The following HSD17B12 variants were observed in gnomAD, a reference collection of about 807,000 sequenced individuals.
The protein encoded by HSD17B12 is hydroxysteroid 17-beta dehydrogenase 12.
HSD17B12 carries 32 observed loss-of-function variants against 39.3 expected under a neutral mutation model. That is an observed-to-expected ratio of 0.81 (90% CI 0.61 to 1.09). The LOEUF (loss-of-function observed/expected upper bound fraction) is 1.09, where lower values mean the gene tolerates loss of function less well. HSD17B12 is among the 50% of genes least tolerant of loss of function. HSD17B12 has a pLI of 0.00. For missense variants in HSD17B12, 342 were observed against 382.9 expected (o/e 0.89, Z 0.89); for synonymous variants, 150 against 146.7 (o/e 1.02, Z -0.16).
chr11:43,613,286 G>T, the HSD17B12 span, among the ~76,000 whole-genome samples: 3 of 152,096 alleles, frequency 2.0e-5, no homozygotes, highest in South Asian at 6.2e-4. Flanking sequence ...CAGCTACTCG[G>T]GAGGCTGAGG....
chr11:43,619,322 T>G, the HSD17B12 span, among the ~76,000 whole-genome samples: 2 of 144,574 alleles, frequency 1.4e-5, no homozygotes, highest in African/African-American at 5.0e-5. Context: ...TGGATTAGTA[T>G]CTATGTTTTG....
chr11:43,850,518 A>T (rs1029794588), intron 9 of HSD17B12, among the ~76,000 whole-genome samples: 4 of 152,160 alleles, frequency 2.6e-5, no homozygotes, highest in East Asian at 1.9e-4. Context: ...GGTCATTGTC[A>T]TCTGATGTTC....
chr11:43,661,525 G>A, the HSD17B12 span, among the ~76,000 whole-genome samples: 1,108 of 152,246 alleles, frequency 7.3e-3, 11 homozygotes, highest in Non-Finnish European at 8.5e-3. Flanking sequence ...AAGAATTAGA[G>A]ATGTGAGCCG....
chr11:43,768,289 T>C (rs920964717), intron 3 of HSD17B12, among the ~76,000 whole-genome samples: 1 of 152,242 alleles, frequency 6.6e-6, no homozygotes, highest in South Asian at 2.1e-4. Flanking sequence ...CAATTGCCTG[T>C]TGGAGTTATT....
At chr11:43,853,439 T>C (rs994352044) in intron 9 of HSD17B12, 1 of 151,774 alleles carries the variant, frequency 6.6e-6, no homozygotes, top group Non-Finnish European at 1.5e-5. Context: ...CTCAATTTGA[T>C]TGAAATTTTA....
At chr11:43,582,022 C>G in the HSD17B12 span, among the ~76,000 whole-genome samples, 1 of 152,268 alleles carries the variant, frequency 6.6e-6, no homozygotes, top group Non-Finnish European at 1.5e-5. Context: ...AGGCGAGCCG[C>G]GGTGAATTGG....
intron 1 of HSD17B12, among the ~76,000 whole-genome samples, chr11:43,738,121 C>G (rs540482093): frequency 3.3e-5 from 3 of 92,078 alleles, no homozygotes; most frequent in African/African-American, 1.3e-4. Flanking sequence ...TTTGGTAAAG[C>G]ATGTTTTGGT....
chr11:43,615,768 G>T, the HSD17B12 span, among the ~76,000 whole-genome samples: 36 of 152,300 alleles, frequency 2.4e-4, no homozygotes, highest in South Asian at 7.5e-3. Context: ...ACAGCTGAAA[G>T]TGGAAGTCTC....
the HSD17B12 span, among the ~76,000 whole-genome samples, chr11:43,655,089 G>C: frequency 7.1e-3 from 1,076 of 152,204 alleles, 8 homozygotes; most frequent in Non-Finnish European, 8.8e-3. Context: ...ACTGAGCAGT[G>C]GTTTGTAGTT....
the HSD17B12 span, among the ~76,000 whole-genome samples, chr11:43,661,137 A>G: frequency 3.9e-5 from 6 of 152,168 alleles, no homozygotes; most frequent in Admixed American, 2.0e-4. Context: ...TAATAATAAT[A>G]AAAAGGAACA....
chr11:43,768,716 TG>T (rs2134981324), intron 3 of HSD17B12, among the ~76,000 whole-genome samples: 1 of 152,206 alleles, frequency 6.6e-6, no homozygotes, highest in East Asian at 1.9e-4. Context: ...AGATTTACTG[TG>T]AAGAGTCAAA....
chr11:43,817,252 T>C (rs1247096976), intron 6 of HSD17B12, among the ~76,000 whole-genome samples: 1 of 152,180 alleles, frequency 6.6e-6, no homozygotes, highest in Admixed American at 6.6e-5. Context: ...TAGTCCTTTG[T>C]CAGATGCATA....
At chr11:43,557,681 A>G in the HSD17B12 span, among the ~76,000 whole-genome samples, 1 of 152,218 alleles carries the variant, frequency 6.6e-6, no homozygotes, top group Non-Finnish European at 1.5e-5. Context: ...TGTAGAGGAA[A>G]ACCGCCTGAA....
chr11:43,582,813 T>G, the HSD17B12 span, among the ~76,000 whole-genome samples: 1 of 152,192 alleles, frequency 6.6e-6, no homozygotes, highest in African/African-American at 2.4e-5. Flanking sequence ...AGGCGAGCAC[T>G]CCAAGCTCTA....
rs566157155 is a variant in HSD17B12 at position 43,754,027 on chromosome 11, A to T, written c.208-19A>T. ...AGTGACATGCACAGGTGTGATTCAA[A>T]TCTCCTTTACTGTTTCAGTTAGCAA... On this transcript the variant is annotated intron_variant, in intron 2 of 10. Transcript: ENST00000278353. 8 of 1,575,400 alleles carry T rather than the reference A, an allele frequency of 5.1e-6. No homozygotes were observed. The highest frequency in any genetic ancestry group is 4.0e-5 in the African/African-American group (3 of 74,270).
intron 3 of HSD17B12, among the ~76,000 whole-genome samples, chr11:43,770,497 G>A (rs191035781): frequency 1.0e-3 from 155 of 152,356 alleles, no homozygotes; most frequent in African/African-American, 3.6e-3. Context: ...GAAGGCCAAA[G>A]TGGGAGGATG....
chr11:43,702,632 G>A (rs1164019287), intron 1 of HSD17B12, among the ~76,000 whole-genome samples: 1 of 151,920 alleles, frequency 6.6e-6, no homozygotes, highest in East Asian at 1.9e-4. Context: ...TCATTGATTT[G>A]TGTATGTTGA....
At chr11:43,640,918 T>C in the HSD17B12 span, 1 of 149,840 alleles carries the variant, frequency 6.7e-6, no homozygotes, top group Non-Finnish European at 1.5e-5. Context: ...GAAGTAATCA[T>C]AATCATTTAC....
chr11:43,673,638 T>A, the HSD17B12 span, among the ~76,000 whole-genome samples: 1 of 150,082 alleles, frequency 6.7e-6, no homozygotes. Flanking sequence ...ACTACAGGCA[T>A]GCACCACCAA....
Sources: allele counts gnomAD v4.1 joint callset (sites outside exome capture counted in the v4.1 genomes callset), GRCh38; gene constraint gnomAD v4.1.1; transcripts MANE v1.5; gene names NCBI Gene and HGNC (gene_info 2026-07-23, HGNC 2026-07-21).